Variants in BRD8 observed in about 807,000 individuals in gnomAD.
BRD8 encodes bromodomain containing 8, also known as bromodomain-containing protein 8.
Under a neutral mutation model 143.1 loss-of-function variants are expected in BRD8, and 67 were observed. The ratio of observed to expected loss-of-function variants is 0.47; its 90% CI spans 0.38 to 0.57. BRD8 has a LOEUF of 0.57. BRD8 is among the 20% of genes least tolerant of loss of function. The pLI is 0.00. For synonymous variants in BRD8, 505 were observed against 517.1 expected (o/e 0.98, Z 0.32); for missense variants, 1,103 against 1,503.0 (o/e 0.73, Z 4.40).
chr5:138,152,491 A>G lies in BRD8; in HGVS notation c.2847T>C (p.Phe949=). The G allele has an allele frequency of 6.2e-7, 1 of 1,614,016 alleles. No homozygotes were observed. Among genetic ancestry groups the G allele is most frequent in the South Asian group, 1.1e-5 (1 of 91,058 alleles). Residue 949 remains phenylalanine, a synonymous_variant, in exon 21 of 27, where the codon TTT becomes TTC. Transcript: ENST00000254900. ...AAGAGCTCACTGTTACCTCAGAGAG[A>G]AAGTGGAGGAGGTTCTGGTGGCTGG... ...RKASHQNLLH[F]LSEVAYLMEP...
chr5:138,156,114 T>C (rs1752583743), intron 20 of BRD8, among the ~76,000 whole-genome samples: 1 of 148,138 alleles, frequency 6.8e-6, no homozygotes, highest in Admixed American at 6.8e-5. Context: ...CAAGCAACCC[T>C]CCCACCTCAG....
chr5:138,174,285 C>A (rs918281130), intron 2 of BRD8, among the ~76,000 whole-genome samples: 1 of 151,240 alleles, frequency 6.6e-6, no homozygotes, highest in Non-Finnish European at 1.5e-5. Flanking sequence ...TCAAAAATAC[C>A]ATGTCTTATG....
intron 23 of BRD8, among the ~76,000 whole-genome samples, chr5:138,146,659 C>T (rs868269611): frequency 3.9e-5 from 6 of 152,244 alleles, no homozygotes; most frequent in African/African-American, 7.2e-5. Flanking sequence ...AGACTATGAA[C>T]TGTCATGAGA....
In BRD8 at chr5:138,166,160, AC is replaced by A. The variant is rs747956573; in HGVS notation, c.998-53del. On this transcript the variant is annotated intron_variant, in intron 10 of 26. Transcript: ENST00000254900. ...TCAGAAGCTTATTGGGTACAAAGCG[AC>A]CACCTTGAGATCACATAAGCGCTAC... The A allele has an allele frequency of 2.2e-5, 29 of 1,345,726 alleles. 1 individual carries two copies. The South Asian group carries it at 3.3e-4, about 15-fold the overall frequency. The allele number at this position is 1,345,726 out of a possible 1,614,324, so 83.4% of individuals were successfully genotyped here.
chr5:138,173,950 T>C (rs1754097407), intron 2 of BRD8, among the ~76,000 whole-genome samples: 1 of 152,198 alleles, frequency 6.6e-6, no homozygotes. Context: ...GTTCTGGGAT[T>C]ATAGATGTGA....
In BRD8 at chr5:138,164,416, GAA is replaced by G; in HGVS notation, c.1732-5_1732-4del. ...GACAACATGCTTTCAGGGGATGCCT[GAA>G]AACCAGAAAAGAAAAAACACCCTAA... On this transcript the variant is annotated splice_polypyrimidine_tract_variant and splice_region_variant and intron_variant, in intron 12 of 26. Transcript: ENST00000254900. 1 of 1,613,402 alleles carries G rather than the reference GAA, an allele frequency of 6.2e-7. No homozygotes were observed. The highest frequency in any genetic ancestry group is 8.5e-7 in the Non-Finnish European group (1 of 1,179,540).
At chr5:138,174,975 C>T (rs1754200454) in intron 2 of BRD8, among the ~76,000 whole-genome samples, 1 of 151,832 alleles carries the variant, frequency 6.6e-6, no homozygotes, top group Non-Finnish European at 1.5e-5. Context: ...CTGCAAGCCC[C>T]GCCTCCTGGG....
intron 2 of BRD8, 119 bp from the exon 3 acceptor site, chr5:138,172,253 G>T: frequency 1.4e-6 from 1 of 733,712 alleles, no homozygotes; most frequent in Non-Finnish European, 2.3e-6. Context: ...GGCCAGGCGC[G>T]GTGGCTCACG....
intron 9 of BRD8, chr5:138,167,568 A>G (rs1753541456): frequency 4.6e-6 from 1 of 216,312 alleles, no homozygotes; most frequent in Non-Finnish European, 9.3e-6. Context: ...TTACCTATCC[A>G]AGGTCACAAA....
chr5:138,152,399 A>ACT, intron 21 of BRD8, 83 bp downstream of exon 21: 1 of 1,531,766 alleles, frequency 6.5e-7, no homozygotes, highest in Non-Finnish European at 8.8e-7. Context: ...AACAATATTA[A>ACT]GAGTGGTAGA....
chr5:138,164,274 A>C, intron 13 of BRD8, 46 bp downstream of exon 13: 1 of 1,603,654 alleles, frequency 6.2e-7, no homozygotes, highest in East Asian at 2.2e-5. Context: ...ACCCCTCAGA[A>C]GCCAAAGCAA....
chr5:138,159,992 TAAC>T (rs1752876503), intron 19 of BRD8, 74 bp downstream of exon 19: 5 of 1,045,638 alleles, frequency 4.8e-6, no homozygotes. Context: ...TACCAAGTAG[TAAC>T]ATAAGGGTCC....
intron 19 of BRD8, 87 bp from the exon 20 acceptor site, chr5:138,159,686 C>CCA (rs1379841199): frequency 2.2e-6 from 3 of 1,333,362 alleles, no homozygotes; most frequent in African/African-American, 1.4e-5. Flanking sequence ...GACACAAGCA[C>CCA]CACACACACA....
intron 5 of BRD8, 32 bp from the exon 6 acceptor site, chr5:138,170,944 G>GT: frequency 6.2e-7 from 1 of 1,612,490 alleles, no homozygotes; most frequent in Non-Finnish European, 8.5e-7. Context: ...GGTAGACTGG[G>GT]TTTTTTAATC....
chr5:138,166,518 C>G lies in BRD8; in HGVS notation c.997G>C (p.Val333Leu). Residue 333 changes from valine to leucine, a missense_variant and splice_region_variant, in exon 10 of 27, where the codon GTG (valine) becomes CTG (leucine). By Grantham distance (32) the Val-to-Leu change is conservative. Around this residue, in one of 7 missense-constraint regions of BRD8, gnomAD observed 334 missense variants for 372.5 expected, o/e 0.90. Coordinates refer to ENST00000254900, the MANE Select transcript of BRD8 (RefSeq NM_139199.2). ...AVSTTESVAP[V>L]SQPDNCVPME... Reference sequence around the variant, plus strand: ...ATCTAGTGGCTGCTCAGGGACGCACCTGGAGCTACACTTTCAGTAGTGGAG... The same window carrying G: ...ATCTAGTGGCTGCTCAGGGACGCACGTGGAGCTACACTTTCAGTAGTGGAG... The G allele has an allele frequency of 6.2e-7, 1 of 1,601,210 alleles. No homozygotes were observed. The highest frequency in any genetic ancestry group is 1.1e-5 in the South Asian group (1 of 89,624).
intron 20 of BRD8, among the ~76,000 whole-genome samples, chr5:138,154,657 T>C: frequency 6.6e-6 from 1 of 152,170 alleles, no homozygotes; most frequent in Non-Finnish European, 1.5e-5. Flanking sequence ...TATAGTTCTA[T>C]TAAAGGCAAA....
intron 18 of BRD8, 93 bp downstream of exon 18, chr5:138,160,798 A>T (rs1752946435): frequency 1.7e-6 from 2 of 1,207,854 alleles, no homozygotes; most frequent in Non-Finnish European, 2.2e-6. Context: ...TCCACGTAAA[A>T]GCCACAGCAA....
In BRD8 at chr5:138,165,036, G is replaced by A. The variant is rs1170297445; in HGVS notation, c.1409C>T (p.Pro470Leu). 6.2e-7 allele frequency: 1 copy of A among 1,614,160 alleles called. No individual in the cohort carries two copies. The highest frequency in any genetic ancestry group is 1.3e-5 in the African/African-American group (1 of 75,032). ...EHPIQQERDK[P>L]VPLPAPEMTV... ...CATTTCTGGTGCAGGGAGAGGTACT[G>A]GCTTGTCCCGCTCCTGCTGGATAGG... The change falls in exon 12 of 27, where the codon CCA becomes CTA. Residue 470 changes from proline to leucine, a missense_variant. Physicochemically the swap from Pro to Leu is moderately conservative, Grantham distance 98. This residue lies in a region of BRD8 where 53 missense variants were observed against 101.4 expected (regional missense o/e 0.52). Coordinates refer to ENST00000254900, the MANE Select transcript of BRD8 (RefSeq NM_139199.2).
chr5:138,172,254 G>C (rs1753925494), intron 2 of BRD8, 120 bp from the exon 3 acceptor site: 2 of 734,308 alleles, frequency 2.7e-6, no homozygotes, highest in African/African-American at 1.8e-5. Flanking sequence ...GCCAGGCGCG[G>C]TGGCTCACGC....
Sources: gnomAD v4.1 joint callset for allele counts (sites outside exome capture counted in the v4.1 genomes callset) on GRCh38, gnomAD v4.1.1 for gene constraint, gnomAD v4.1.1 regional missense constraint, MANE v1.5 for transcripts, NCBI Gene and HGNC (gene_info 2026-07-23, HGNC 2026-07-21) for gene names.